Variants in DOK6 observed in about 807,000 individuals in gnomAD.
DOK6 encodes docking protein 6, also known as downstream of tyrosine kinase 6.
DOK6 carries 22 observed loss-of-function variants against 44.0 expected under a neutral mutation model. The ratio of observed to expected loss-of-function variants is 0.50; its 90% CI spans 0.36 to 0.71. The LOEUF (loss-of-function observed/expected upper bound fraction) is 0.71, where lower values mean the gene tolerates loss of function less well. Ranked by LOEUF, DOK6 falls within the 30% of genes least tolerant of loss-of-function variation. The pLI is 0.00. For synonymous variants in DOK6, 166 were observed against 145.5 expected, an observed-to-expected ratio of 1.14 and a Z score of -1.01; for missense variants, 340 against 416.4, an observed-to-expected ratio of 0.82 and a Z score of 1.60.
chr18:69,444,952 CT>C (rs1979242066), intron 1 of DOK6, among the ~76,000 whole-genome samples: 1 of 152,054 alleles, frequency 6.6e-6, no homozygotes, highest in African/African-American at 2.4e-5. Context: ...ACTATGAAGT[CT>C]TTAAGTCGAT....
chr18:69,585,253 T>A (rs1983471622), intron 2 of DOK6, among the ~76,000 whole-genome samples: 1 of 151,878 alleles, frequency 6.6e-6, no homozygotes, highest in African/African-American at 2.4e-5. Flanking sequence ...TCCTTTTAAC[T>A]CATGTTTTTT....
chr18:69,812,620 C>T (rs139439513), intron 7 of DOK6, among the ~76,000 whole-genome samples: 163 of 152,246 alleles, frequency 1.1e-3, no homozygotes, highest in African/African-American at 3.7e-3. Context: ...CATGAATGAT[C>T]CTGACTTAAT....
At chr18:69,466,689 C>G (rs1979937425) in intron 1 of DOK6, among the ~76,000 whole-genome samples, 1 of 151,442 alleles carries the variant, frequency 6.6e-6, no homozygotes, top group South Asian at 2.1e-4. Context: ...AAGGGAGAAT[C>G]TCTAACTTAT....
chr18:69,715,725 A>G (rs1209292929), intron 5 of DOK6, among the ~76,000 whole-genome samples: 1 of 152,216 alleles, frequency 6.6e-6, no homozygotes, highest in Non-Finnish European at 1.5e-5. Flanking sequence ...AAGAGATTGT[A>G]TTAGAAACCA....
chr18:69,779,946 C>T (rs1422518792), intron 7 of DOK6, among the ~76,000 whole-genome samples: 1 of 151,890 alleles, frequency 6.6e-6, no homozygotes, highest in Non-Finnish European at 1.5e-5. Context: ...CAAATTCAAT[C>T]ATAGTATCCT....
intron 3 of DOK6, among the ~76,000 whole-genome samples, chr18:69,599,841 G>T (rs1983832137): frequency 6.6e-6 from 1 of 152,148 alleles, no homozygotes; most frequent in Admixed American, 6.5e-5. Flanking sequence ...TGTAGGGCAG[G>T]AATCAGGGTG....
rs180837632 is a variant in DOK6, at chr18:69,428,069, G to A, written c.66+26759G>A. Among the ~76,000 whole-genome samples the A allele has an allele frequency of 1.5e-3, 233 of 152,054 alleles. 2 individuals are homozygous for A. The highest frequency in any genetic ancestry group is 2.8e-3 in the Non-Finnish European group (189 of 67,964). ...TTGGGATTACAGGCGTGAGCCATCC[G>A]GCCTGGCCTGGAGTACCCTACTTTT... is the stretch of plus-strand genomic sequence containing the variant. On this transcript the variant is annotated intron_variant, in intron 1 of 7. Transcript: ENST00000382713.
At chr18:69,764,652 T>A (rs1240667349) in intron 7 of DOK6, among the ~76,000 whole-genome samples, 2 of 152,204 alleles carry the variant, frequency 1.3e-5, no homozygotes, top group Non-Finnish European at 2.9e-5. Flanking sequence ...AAACCTCTTT[T>A]CTTTATAAAT....
At chr18:69,712,545 TC>T (rs1986790188) in intron 5 of DOK6, among the ~76,000 whole-genome samples, 1 of 152,036 alleles carries the variant, frequency 6.6e-6, no homozygotes, top group South Asian at 2.1e-4. Context: ...CAATTATCTT[TC>T]TATAAATGTA....
At chr18:69,534,247 C>A (rs1218472022) in intron 1 of DOK6, among the ~76,000 whole-genome samples, 3 of 152,056 alleles carry the variant, frequency 2.0e-5, no homozygotes, top group African/African-American at 7.2e-5. Flanking sequence ...TATAAAATAA[C>A]AATTTTCTGT....
intron 6 of DOK6, among the ~76,000 whole-genome samples, chr18:69,745,026 C>G (rs1298265250): frequency 6.6e-6 from 1 of 151,108 alleles, no homozygotes; most frequent in East Asian, 1.9e-4. Flanking sequence ...AGTGAGAAAG[C>G]AATGTGTAAT....
At chr18:69,825,350 G>T (rs971660409) in intron 7 of DOK6, among the ~76,000 whole-genome samples, 2 of 150,784 alleles carry the variant, frequency 1.3e-5, no homozygotes, top group Non-Finnish European at 3.0e-5. Flanking sequence ...GTGAATTTAG[G>T]AACATTAGCC....
intron 7 of DOK6, among the ~76,000 whole-genome samples, chr18:69,787,984 G>A (rs1361570629): frequency 6.6e-6 from 1 of 152,102 alleles, no homozygotes; most frequent in Non-Finnish European, 1.5e-5. Flanking sequence ...CCACTTATAA[G>A]TGTATTTCTG....
chr18:69,785,978 C>A (rs933039720), intron 7 of DOK6, among the ~76,000 whole-genome samples: 13 of 152,092 alleles, frequency 8.5e-5, no homozygotes, highest in African/African-American at 2.9e-4. Flanking sequence ...ATTAAAATAT[C>A]TTCAGGATTA....
At chr18:69,665,410 G>A (rs560614280) in intron 3 of DOK6, among the ~76,000 whole-genome samples, 1 of 152,068 alleles carries the variant, frequency 6.6e-6, no homozygotes, top group Admixed American at 6.5e-5. Flanking sequence ...TTGATTATTT[G>A]TACCTAATTA....
At chr18:69,582,513 C>CT (rs1383825585) in intron 2 of DOK6, among the ~76,000 whole-genome samples, 6 of 152,110 alleles carry the variant, frequency 3.9e-5, no homozygotes, top group African/African-American at 1.4e-4. Context: ...TACAAATACT[C>CT]TTTTTCATCT....
intron 4 of DOK6, among the ~76,000 whole-genome samples, chr18:69,696,770 G>T (rs1397600562): frequency 1.3e-5 from 2 of 152,102 alleles, no homozygotes; most frequent in Non-Finnish European, 2.9e-5. Flanking sequence ...AATCCCATTG[G>T]AGTGTGAATT....
chr18:69,462,235 C>CCTGTGTAT (rs1979808577), intron 1 of DOK6, among the ~76,000 whole-genome samples: 1 of 151,998 alleles, frequency 6.6e-6, no homozygotes. Context: ...AACCAAGCGC[C>CCTGTGTAT]CTGTGTATTT....
At chr18:69,740,560 C>T (rs773816529) in intron 6 of DOK6, among the ~76,000 whole-genome samples, 9 of 152,154 alleles carry the variant, frequency 5.9e-5, no homozygotes, top group African/African-American at 2.2e-4. Context: ...TCCAAGAGCT[C>T]TTTCACATAC....
Sources: allele counts gnomAD v4.1 joint callset (sites outside exome capture counted in the v4.1 genomes callset), GRCh38; gene constraint gnomAD v4.1.1; transcripts MANE v1.5; gene names NCBI Gene and HGNC (gene_info 2026-07-23, HGNC 2026-07-21).